TRHDE: variants seen among roughly 807,000 people sequenced by gnomAD.
TRHDE encodes thyrotropin-releasing hormone-degrading ectoenzyme.
In TRHDE, 72 loss-of-function variants were observed where a neutral mutation model predicts 125.7. The ratio of observed to expected loss-of-function variants is 0.57; its 90% CI spans 0.47 to 0.70. The LOEUF is 0.70. TRHDE is among the 30% of genes least tolerant of loss of function. TRHDE has a pLI of 0.00. For synonymous variants in TRHDE, 509 were observed against 509.1 expected (o/e 1.00, Z 0.00); for missense variants, 1,110 against 1,327.1 (o/e 0.84, Z 2.54).
chr12:72,237,057 T>C (rs1053813285), intron 2 of TRHDE, among the ~76,000 whole-genome samples: 8 of 152,306 alleles, frequency 5.3e-5, no homozygotes, highest in Admixed American at 2.0e-4. Flanking sequence ...AGCTATTCTC[T>C]AGAGTTAAAG....
intron 2 of TRHDE, among the ~76,000 whole-genome samples, chr12:72,203,988 A>G (rs1375526451): frequency 6.6e-6 from 1 of 152,148 alleles, no homozygotes; most frequent in Non-Finnish European, 1.5e-5. Context: ...ATATTACTAC[A>G]TGGTAGTTTA....
chr12:72,185,186 C>T (rs1011907145), intron 2 of TRHDE, among the ~76,000 whole-genome samples: 8 of 152,222 alleles, frequency 5.3e-5, no homozygotes, highest in East Asian at 1.9e-4. Flanking sequence ...ACTTAGCACC[C>T]GGGCCAGTGG....
intron 2 of TRHDE, among the ~76,000 whole-genome samples, chr12:72,349,558 G>GGGT (rs1565708410): frequency 1.3e-5 from 2 of 151,630 alleles, no homozygotes; most frequent in African/African-American, 4.8e-5. Context: ...TTTTGGGCGG[G>GGGT]GGGGTGGTGT....
chr12:72,342,628 T>C (rs1433231085), intron 2 of TRHDE, among the ~76,000 whole-genome samples: 1 of 152,136 alleles, frequency 6.6e-6, no homozygotes, highest in East Asian at 1.9e-4. Flanking sequence ...ATAATTTATA[T>C]ATTTTATAAG....
At chr12:72,418,284 A>G (rs1873812473) in intron 3 of TRHDE, among the ~76,000 whole-genome samples, 1 of 152,102 alleles carries the variant, frequency 6.6e-6, no homozygotes, top group South Asian at 2.1e-4. Context: ...TTAAGGATTA[A>G]TTAATGTTAA....
At chr12:72,197,960 C>T (rs995079145) in intron 2 of TRHDE, among the ~76,000 whole-genome samples, 3 of 151,968 alleles carry the variant, frequency 2.0e-5, no homozygotes, top group Non-Finnish European at 4.4e-5. Flanking sequence ...ATAGCAGTCA[C>T]TTCCTCATTT....
intron 2 of TRHDE, among the ~76,000 whole-genome samples, chr12:72,177,368 C>G (rs1408939728): frequency 6.6e-6 from 1 of 152,034 alleles, no homozygotes; most frequent in Admixed American, 6.6e-5. Context: ...TACCTTAAAA[C>G]CTGAAACCAG....
intron 1 of TRHDE, among the ~76,000 whole-genome samples, chr12:72,096,669 A>G (rs1055150909): frequency 1.3e-5 from 2 of 152,148 alleles, no homozygotes; most frequent in Non-Finnish European, 2.9e-5. Flanking sequence ...CCTTTTTTGT[A>G]CTAGTTAGAG....
At chr12:72,113,141 C>A (rs749622570) in intron 2 of TRHDE, among the ~76,000 whole-genome samples, 1 of 152,086 alleles carries the variant, frequency 6.6e-6, no homozygotes, top group African/African-American at 2.4e-5. Flanking sequence ...CCTCAGCCTC[C>A]CTAGTAGCTG....
intron 2 of TRHDE, among the ~76,000 whole-genome samples, chr12:72,295,611 G>T (rs1880267337): frequency 6.6e-6 from 1 of 152,136 alleles, no homozygotes. Flanking sequence ...ATCCAGGAAA[G>T]TACAAGACAT....
chr12:72,370,728 A>C (rs1871540539), intron 2 of TRHDE, among the ~76,000 whole-genome samples: 1 of 151,976 alleles, frequency 6.6e-6, no homozygotes, highest in Non-Finnish European at 1.5e-5. Flanking sequence ...ACACTTTAAA[A>C]GAATGTATTG....
chr12:72,275,176 T>C (rs1032698648), intron 1 of TRHDE, among the ~76,000 whole-genome samples: 3 of 152,242 alleles, frequency 2.0e-5, no homozygotes, highest in Non-Finnish European at 2.9e-5. Flanking sequence ...TGAACTTTGG[T>C]TCTCTAATCC....
chr12:72,519,930 G>T (rs1204192064), intron 6 of TRHDE, among the ~76,000 whole-genome samples: 1 of 152,142 alleles, frequency 6.6e-6, no homozygotes, highest in African/African-American at 2.4e-5. Context: ...GCTGCTAGGG[G>T]GTGCCTCCCA....
chr12:72,475,715 G>A (rs192419214), intron 5 of TRHDE, among the ~76,000 whole-genome samples: 2 of 152,112 alleles, frequency 1.3e-5, no homozygotes, highest in African/African-American at 2.4e-5. Flanking sequence ...TAAAAACCTT[G>A]AGGTGAGTCA....
At chr12:72,380,866 T>TTC (rs1872139971) in intron 3 of TRHDE, among the ~76,000 whole-genome samples, 17 of 144,702 alleles carry the variant, frequency 1.2e-4, no homozygotes, top group African/African-American at 4.4e-4. Flanking sequence ...TCTCTTTCTC[T>TTC]CTCTCTCTCT....
chr12:72,533,612 T>C (rs952274156), intron 6 of TRHDE, among the ~76,000 whole-genome samples: 10 of 152,000 alleles, frequency 6.6e-5, no homozygotes, highest in African/African-American at 2.4e-4. Flanking sequence ...CCTTTTCTTC[T>C]TTTTTACCTC....
chr12:72,368,430 C>G (rs988392206), intron 2 of TRHDE, among the ~76,000 whole-genome samples: 14 of 151,950 alleles, frequency 9.2e-5, no homozygotes, highest in Non-Finnish European at 1.9e-4. Context: ...AAAGATAGAA[C>G]TTTGTATGTA....
intron 6 of TRHDE, among the ~76,000 whole-genome samples, chr12:72,509,566 G>T (rs999425820): frequency 6.6e-6 from 1 of 152,110 alleles, no homozygotes; most frequent in Non-Finnish European, 1.5e-5. Flanking sequence ...GTCCCAGCTT[G>T]CTCTCCTTGA....
intron 2 of TRHDE, among the ~76,000 whole-genome samples, chr12:72,314,255 C>CTT (rs200328776): frequency 3.0e-5 from 4 of 133,436 alleles, no homozygotes; most frequent in African/African-American, 1.2e-4. Context: ...TTGTCCTTTT[C>CTT]TTTTTTTTTC....
Sources: gnomAD v4.1 joint callset for allele counts (sites outside exome capture counted in the v4.1 genomes callset) on GRCh38, gnomAD v4.1.1 for gene constraint, MANE v1.5 for transcripts, NCBI Gene and HGNC (gene_info 2026-07-23, HGNC 2026-07-21) for gene names.